The following JMJD1C variants were observed in gnomAD, a reference collection of about 807,000 sequenced individuals.
The protein encoded by JMJD1C is jumonji domain containing 1C.
JMJD1C carries 31 observed loss-of-function variants against 245.3 expected under a neutral mutation model. That is an observed-to-expected ratio of 0.13 (90% CI 0.09 to 0.17). JMJD1C has a LOEUF of 0.17. Among genes scored for constraint, JMJD1C ranks in the 10% least tolerant of loss-of-function variants. The pLI, the probability that JMJD1C is intolerant of heterozygous loss-of-function variation, is 1.00. For missense variants in JMJD1C, 2,691 were observed against 3,000.2 expected (o/e 0.90, Z 2.41); for synonymous variants, 1,057 against 1,017.4 (o/e 1.04, Z -0.74).
At chr10:63,333,339 G>C (rs542752548) in intron 2 of JMJD1C, among the ~76,000 whole-genome samples, 3 of 152,190 alleles carry the variant, frequency 2.0e-5, no homozygotes, top group African/African-American at 7.2e-5. Flanking sequence ...AGGAGCCCTT[G>C]AACTTAGGAG....
chr10:63,292,144 A>ATTGTTTTTTTTTTTTTTTT (rs1858837031), intron 2 of JMJD1C, among the ~76,000 whole-genome samples: 1 of 56,326 alleles, frequency 1.8e-5, no homozygotes, highest in Non-Finnish European at 3.2e-5. Flanking sequence ...GTAGAGACAG[A>ATTGTTTTTTTTTTTTTTTT]TTTTTTTTTT....
At chr10:63,416,607 T>C (rs1029178705) in intron 1 of JMJD1C, among the ~76,000 whole-genome samples, 2 of 152,198 alleles carry the variant, frequency 1.3e-5, no homozygotes, top group Non-Finnish European at 2.9e-5. Context: ...AAAGGTCAGA[T>C]TTCCACTGCA....
intron 1 of JMJD1C, among the ~76,000 whole-genome samples, chr10:63,445,548 C>T (rs978022208): frequency 1.6e-4 from 24 of 152,160 alleles, no homozygotes; most frequent in South Asian, 6.2e-4. Context: ...TGTGGAATGA[C>T]TGGAAAGCAG....
chr10:63,211,935 A>C (rs1847407859), intron 8 of JMJD1C, among the ~76,000 whole-genome samples: 1 of 152,080 alleles, frequency 6.6e-6, no homozygotes, highest in Admixed American at 6.6e-5. Context: ...ATGTCCACTG[A>C]CAGATGAATG....
chr10:63,358,378 TAAC>T (rs1945042532), intron 2 of JMJD1C, among the ~76,000 whole-genome samples: 1 of 149,406 alleles, frequency 6.7e-6, no homozygotes, highest in Non-Finnish European at 1.5e-5. Flanking sequence ...AAATATGACA[TAAC>T]AATTTAAGAA....
chr10:63,354,163 C>G (rs911809823), intron 2 of JMJD1C, among the ~76,000 whole-genome samples: 2 of 152,202 alleles, frequency 1.3e-5, no homozygotes, highest in South Asian at 4.1e-4. Context: ...GTATAGTAAT[C>G]CAGCATTTAA....
intron 3 of JMJD1C, among the ~76,000 whole-genome samples, chr10:63,226,496 T>G (rs1849294549): frequency 6.6e-6 from 1 of 151,788 alleles, no homozygotes; most frequent in East Asian, 1.9e-4. Flanking sequence ...GAGGATCCCT[T>G]GAGTCCAGGA....
intron 3 of JMJD1C, among the ~76,000 whole-genome samples, chr10:63,245,798 A>C (rs1852135066): frequency 6.6e-6 from 1 of 152,092 alleles, no homozygotes; most frequent in African/African-American, 2.4e-5. Flanking sequence ...TCCTCTCTTT[A>C]AAGCCATCAG....
intron 2 of JMJD1C, among the ~76,000 whole-genome samples, chr10:63,292,144 ATTTTTTTTTT>A (rs573065816): frequency 8.9e-5 from 5 of 56,326 alleles, no homozygotes; most frequent in Non-Finnish European, 1.6e-4. Flanking sequence ...GTAGAGACAG[ATTTTTTTTTT>A]TTTTTTTTTG....
intron 1 of JMJD1C, among the ~76,000 whole-genome samples, chr10:63,400,526 T>C (rs1286932726): frequency 1.2e-4 from 18 of 152,138 alleles, no homozygotes. Flanking sequence ...CTGCTCTTTA[T>C]TTCCTGCCTT....
intron 1 of JMJD1C, among the ~76,000 whole-genome samples, chr10:63,385,096 T>C (rs1440583835): frequency 6.6e-6 from 1 of 151,828 alleles, no homozygotes; most frequent in African/African-American, 2.4e-5. Context: ...GGTCCGGAGG[T>C]TCAAGAAGAG....
At chr10:63,192,889 G>A in intron 16 of JMJD1C, 49 bp downstream of exon 16, 2 of 1,341,202 alleles carry the variant, frequency 1.5e-6, no homozygotes, top group Non-Finnish European at 2.1e-6. Context: ...TTGTTGGTTA[G>A]TTATACTATA....
At chr10:63,266,567 A>G (rs115384527) in intron 2 of JMJD1C, among the ~76,000 whole-genome samples, 113 of 152,268 alleles carry the variant, frequency 7.4e-4, no homozygotes, top group African/African-American at 2.5e-3. Flanking sequence ...TTTTCATATT[A>G]TATCTCTGTC....
rs1423012322 is a variant in JMJD1C at position 63,200,566 on chromosome 10, T to G, written c.5186A>C (p.Gln1729Pro). 6.2e-7 allele frequency: 1 copy of G among 1,614,042 alleles called. No individual in the cohort carries two copies. The change falls in exon 11 of 26, where the codon CAA becomes CCA. Residue 1729 changes from glutamine (Q) to proline (P), a missense_variant. Gln to Pro is a moderately conservative substitution (Grantham distance 76). Coordinates refer to ENST00000399262, the MANE Select transcript of JMJD1C (RefSeq NM_032776.3). The stretch of plus-strand genomic sequence containing the variant: ...AATAAGTCTACATTCTCGACACTTT[T>G]GTAAATTAGGCCCTATCTCACAGCA... ...DSCCEIGPNL[Q>P]KCRECRLIRS...
intron 3 of JMJD1C, among the ~76,000 whole-genome samples, chr10:63,243,103 T>TTA (rs10607355): frequency 0.086 from 10,293 of 120,040 alleles, 1,164 homozygotes; most frequent in African/African-American, 0.24. Context: ...CTAACATAAA[T>TTA]TATATATATA....
At chr10:63,175,872 G>T (rs894801920) in intron 24 of JMJD1C, among the ~76,000 whole-genome samples, 10 of 152,126 alleles carry the variant, frequency 6.6e-5, no homozygotes, top group African/African-American at 2.4e-4. Context: ...TGGATCAACA[G>T]TTATATAAAT....
chr10:63,397,604 G>T (rs942487414), intron 1 of JMJD1C, among the ~76,000 whole-genome samples: 1 of 151,988 alleles, frequency 6.6e-6, no homozygotes, highest in African/African-American at 2.4e-5. Flanking sequence ...CACAATCACG[G>T]TTCATTGCAG....
At chr10:63,516,585 A>G (rs1056481533) in intron 1 of JMJD1C, among the ~76,000 whole-genome samples, 1 of 152,208 alleles carries the variant, frequency 6.6e-6, no homozygotes, top group African/African-American at 2.4e-5. Flanking sequence ...CTGCCACTTA[A>G]CATGGTCAAA....
intron 3 of JMJD1C, among the ~76,000 whole-genome samples, chr10:63,220,842 C>T (rs2133284931): frequency 6.6e-6 from 1 of 152,212 alleles, no homozygotes; most frequent in East Asian, 1.9e-4. Context: ...GGCGCGGTGG[C>T]TCACGCCTGT....
Sources: gnomAD v4.1 joint callset for allele counts (sites outside exome capture counted in the v4.1 genomes callset) on GRCh38, gnomAD v4.1.1 for gene constraint, MANE v1.5 for transcripts, NCBI Gene and HGNC (gene_info 2026-07-23, HGNC 2026-07-21) for gene names.